CDH12: variants seen among roughly 807,000 people sequenced by gnomAD.
CDH12 encodes cadherin-12.
Under a neutral mutation model 74.1 loss-of-function variants are expected in CDH12, and 41 were observed. The observed-to-expected ratio is 0.55, with a 90% CI of 0.43 to 0.72. The LOEUF (loss-of-function observed/expected upper bound fraction) is 0.72, where lower values mean the gene tolerates loss of function less well. Among genes scored for constraint, CDH12 ranks in the 30% least tolerant of loss-of-function variants. CDH12 has a pLI of 0.00. For missense variants in CDH12, 945 were observed against 977.2 expected (o/e 0.97, Z 0.44); for synonymous variants, 399 against 355.0 (o/e 1.12, Z -1.39).
chr5:22,030,006 C>T (rs1466448148), intron 5 of CDH12, among the ~76,000 whole-genome samples: 9 of 150,688 alleles, frequency 6.0e-5, no homozygotes, highest in South Asian at 2.1e-4. Context: ...AGTAAACTAT[C>T]GCAAGGACAA....
intron 1 of CDH12, among the ~76,000 whole-genome samples, chr5:22,820,948 C>A (rs1232171397): frequency 1.3e-5 from 2 of 152,154 alleles, no homozygotes; most frequent in African/African-American, 4.8e-5. Context: ...GAATTTTAGA[C>A]CAATACCCTT....
intron 14 of CDH12, among the ~76,000 whole-genome samples, chr5:21,753,666 C>G (rs1296277129): frequency 6.6e-6 from 1 of 151,624 alleles, no homozygotes; most frequent in South Asian, 2.1e-4. Flanking sequence ...TTAAGCAGAC[C>G]CTATGACAGG....
chr5:22,161,405 G>T (rs972827649), intron 4 of CDH12, among the ~76,000 whole-genome samples: 1 of 152,060 alleles, frequency 6.6e-6, no homozygotes, highest in Admixed American at 6.6e-5. Flanking sequence ...ACAACCTAAA[G>T]AAAAATATCT....
Position 22,398,832 on chromosome 5 carries a change from T to C in CDH12, c.-333+6425A>G, listed in dbSNP as rs114590071. Among the ~76,000 whole-genome samples the C allele has an allele frequency of 8.7e-3, 1,318 of 152,232 alleles. 19 individuals are homozygous for C. Among genetic ancestry groups the C allele is most frequent in the African/African-American group, 0.03 (1,245 of 41,554 alleles). On this transcript the variant is annotated intron_variant, in intron 3 of 14. Transcript: ENST00000382254. ...ATAAAAGATAAGCACCTTTTATAAG[T>C]CCAGAAGCATAGATGGTTGGCTCCT...
chr5:21,883,438 T>G, intron 6 of CDH12: 1 of 1,598,814 alleles, frequency 6.3e-7, no homozygotes, highest in Non-Finnish European at 8.6e-7. Flanking sequence ...GGAGAAGCTC[T>G]AAGTACACTC....
At chr5:22,315,089 C>A (rs1424660199) in intron 3 of CDH12, among the ~76,000 whole-genome samples, 1 of 117,622 alleles carries the variant, frequency 8.5e-6, no homozygotes, top group Admixed American at 8.7e-5. Flanking sequence ...GTAGCCAGGA[C>A]TACAGGCGCC....
At chr5:22,194,396 A>AT (rs1424030427) in intron 4 of CDH12, among the ~76,000 whole-genome samples, 18 of 150,578 alleles carry the variant, frequency 1.2e-4, no homozygotes, top group Non-Finnish European at 1.9e-4. Context: ...CAGTGGCACA[A>AT]TTTCAGGTCA....
intron 1 of CDH12, among the ~76,000 whole-genome samples, chr5:22,680,192 T>G (rs575873667): frequency 3.3e-5 from 5 of 152,186 alleles, no homozygotes; most frequent in Admixed American, 6.5e-5. Flanking sequence ...TGTGCCTGCC[T>G]CATTAACTAA....
intron 1 of CDH12, among the ~76,000 whole-genome samples, chr5:22,671,260 T>A (rs1026456141): frequency 6.6e-5 from 10 of 152,202 alleles, no homozygotes; most frequent in African/African-American, 2.2e-4. Context: ...TTGCTCTGTG[T>A]GTGTGTGTAG....
chr5:22,655,569 ACC>A (rs1322282621), intron 1 of CDH12, among the ~76,000 whole-genome samples: 3 of 152,218 alleles, frequency 2.0e-5, no homozygotes, highest in Non-Finnish European at 4.4e-5. Flanking sequence ...TTGAAGAAGG[ACC>A]TACAATTTTA....
intron 4 of CDH12, among the ~76,000 whole-genome samples, chr5:22,086,368 G>A (rs569576233): frequency 2.2e-4 from 34 of 151,396 alleles, no homozygotes; most frequent in African/African-American, 7.0e-4. Context: ...TTTTTGAGAC[G>A]GAGTCTCACT....
chr5:22,825,161 T>G (rs531799562), intron 1 of CDH12, among the ~76,000 whole-genome samples: 14 of 152,246 alleles, frequency 9.2e-5, no homozygotes, highest in African/African-American at 3.4e-4. Context: ...CATGTGTAGT[T>G]CTAGACACTG....
In CDH12 at chr5:22,374,883, C is replaced by G. The variant is rs1053156350; in HGVS notation, c.-333+30374G>C. On this transcript the variant is annotated intron_variant, in intron 3 of 14. Coordinates refer to ENST00000382254, the MANE Select transcript of CDH12 (RefSeq NM_004061.5). ...GTATTGTTAAAATGATAATCCTGCT[C>G]AAAGCAATCTACAGATTCCATGCAA... 1.5e-4 allele frequency among the ~76,000 whole-genome samples: 23 copies of G among 151,848 alleles called. 1 individual carries two copies. In the South Asian group the frequency reaches 4.4e-3, roughly 29 times the overall value.
intron 1 of CDH12, among the ~76,000 whole-genome samples, chr5:22,851,481 G>A (rs1041698796): frequency 2.0e-5 from 3 of 152,114 alleles, no homozygotes; most frequent in African/African-American, 7.2e-5. Flanking sequence ...GGTCTCTGAA[G>A]TAAGAGTTAT....
intron 3 of CDH12, among the ~76,000 whole-genome samples, chr5:22,273,418 G>T (rs1340250988): frequency 6.6e-6 from 1 of 152,082 alleles, no homozygotes; most frequent in Non-Finnish European, 1.5e-5. Context: ...ATAAAGCAAA[G>T]CACCATAAAA....
intron 5 of CDH12, among the ~76,000 whole-genome samples, chr5:22,041,288 A>C (rs1048791478): frequency 2.0e-5 from 3 of 152,152 alleles, no homozygotes; most frequent in Non-Finnish European, 4.4e-5. Context: ...ACTAGAAAGC[A>C]ACTGACAAAA....
rs780554380 is a variant in CDH12 at position 22,505,307 on chromosome 5, C to A, written c.-465G>T. 4 of 985,040 alleles carry A rather than the reference C, an allele frequency of 4.1e-6. 1 individual carries two copies. In the Middle Eastern group the frequency reaches 1.6e-3, roughly 386 times the overall value. 61.0% of individuals were successfully genotyped at this position (985,040 alleles called of 1,614,324 possible). A position where few individuals can be genotyped will look rare whatever the true frequency, so the allele number is the denominator to read the frequency against. On this transcript the variant is annotated 5_prime_UTR_variant, in exon 2 of 15. Transcript: ENST00000382254. ...TGGCATTCTTTAAAACTCCCAACTGCTCCTGGGTTCCAGCTTGTCTATATT... is the reference window on the plus strand; with the variant it reads ...TGGCATTCTTTAAAACTCCCAACTGATCCTGGGTTCCAGCTTGTCTATATT...
intron 3 of CDH12, among the ~76,000 whole-genome samples, chr5:22,226,209 G>C (rs944651668): frequency 2.6e-5 from 4 of 151,830 alleles, no homozygotes; most frequent in Admixed American, 6.6e-5. Context: ...TGCGTTTGTG[G>C]GAGGCAGAAT....
chr5:21,991,712 A>C (rs1244946313), intron 5 of CDH12, among the ~76,000 whole-genome samples: 1 of 151,532 alleles, frequency 6.6e-6, no homozygotes, highest in East Asian at 1.9e-4. Context: ...GTGTTAAAGC[A>C]TGAAGCTGCC....
Sources: allele counts gnomAD v4.1 joint callset (sites outside exome capture counted in the v4.1 genomes callset), GRCh38; gene constraint gnomAD v4.1.1; transcripts MANE v1.5; gene names NCBI Gene and HGNC (gene_info 2026-07-23, HGNC 2026-07-21).